The following DPPA4 variants were observed in gnomAD, a reference collection of about 807,000 sequenced individuals.
DPPA4 encodes the protein developmental pluripotency-associated protein 4.
DPPA4 carries 22 observed loss-of-function variants against 33.7 expected under a neutral mutation model. The observed-to-expected ratio is 0.65, with a 90% CI of 0.47 to 0.93. The LOEUF (loss-of-function observed/expected upper bound fraction) is 0.93. Among genes scored for constraint, DPPA4 ranks in the 40% least tolerant of loss-of-function variants. DPPA4 has a pLI of 0.00. For synonymous variants in DPPA4, 156 were observed against 132.3 expected (o/e 1.18, Z -1.23); for missense variants, 340 against 358.6 (o/e 0.95, Z 0.42).
chr3:109,337,611 C>T (rs973569167), upstream of DPPA4: 1 of 1,032,706 alleles, frequency 9.7e-7, no homozygotes, highest in Non-Finnish European at 1.5e-6. Context: ...CACCTCACCT[C>T]TTCTTTTCTT....
chr3:109,330,333 GAAAAA>G, intron 5 of DPPA4, 186 bp downstream of exon 5: 1 of 394,860 alleles, frequency 2.5e-6, no homozygotes, highest in East Asian at 4.1e-5. Flanking sequence ...AAAAAAAAAG[GAAAAA>G]AAAAAAAGAA....
upstream of DPPA4, among the ~76,000 whole-genome samples, chr3:109,338,692 G>A (rs932570398): frequency 2.0e-5 from 3 of 152,314 alleles, no homozygotes; most frequent in South Asian, 2.1e-4. Context: ...GGAAGTGCAG[G>A]TTGTGGACTG....
intron 6 of DPPA4, 117 bp downstream of exon 6, chr3:109,328,771 CTT>C: frequency 1.1e-6 from 1 of 948,106 alleles, no homozygotes; most frequent in East Asian, 2.6e-5. Flanking sequence ...TCTTGAAACT[CTT>C]TACTGACAAT....
upstream of DPPA4, among the ~76,000 whole-genome samples, chr3:109,338,961 G>C (rs1708262052): frequency 6.6e-6 from 1 of 152,080 alleles, no homozygotes; most frequent in South Asian, 2.1e-4. Flanking sequence ...GGGGGCTGAG[G>C]TGGGCAGGTC....
intron 1 of DPPA4, chr3:109,336,518 G>C (rs1708216579): frequency 6.6e-6 from 1 of 152,136 alleles, no homozygotes. Context: ...CTGGGAAAAG[G>C]GGACGAATTC....
rs1463413054 is a variant in DPPA4, at chr3:109,326,786, T to TA, written c.*1201dup. ...TATGTGAATCATACCTAAGTAGTTT[T>TA]AAAAACAAATGATCCAACCCATACC... On this transcript the variant is annotated 3_prime_UTR_variant, in exon 7 of 7. Transcript: ENST00000335658. 2 of 152,154 alleles carry TA rather than the reference T, an allele frequency of 1.3e-5. No homozygotes were observed. The highest frequency in any genetic ancestry group is 4.8e-5 in the African/African-American group (2 of 41,430). 9.4% of individuals were successfully genotyped at this position (152,154 alleles called of 1,614,324 possible). A position where few individuals can be genotyped will look rare whatever the true frequency, so the allele number is the denominator to read the frequency against.
chr3:109,330,704 C>T lies in DPPA4; in HGVS notation c.499G>A (p.Glu167Lys), dbSNP rs777627521. 37 of 1,614,078 alleles carry T rather than the reference C, an allele frequency of 2.3e-5. No individual in the cohort carries two copies. Among genetic ancestry groups the T allele is most frequent in the Non-Finnish European group, 3.1e-5 (37 of 1,180,026 alleles). Residue 167 changes from glutamate to lysine, a missense_variant, in exon 5 of 7, where the codon GAA (glutamate) becomes AAA (lysine). Glu to Lys is a moderately conservative substitution (Grantham distance 56, BLOSUM62 1). This residue lies in a region of DPPA4 where 212 missense variants were observed against 206.5 expected (regional missense o/e 1.03). Coordinates refer to ENST00000335658, the MANE Select transcript of DPPA4 (RefSeq NM_018189.4). ...SLQSSETHPPEVALPPVGEPP... is the reference protein window; with the variant it reads ...SLQSSETHPPKVALPPVGEPP... Reference sequence around the variant, plus strand: ...TCCCCCACAGGAGGAAGAGCCACTTCAGGAGGATGTGTCTCAGAACTTTGC... The same window carrying T: ...TCCCCCACAGGAGGAAGAGCCACTTTAGGAGGATGTGTCTCAGAACTTTGC...
chr3:109,328,111 A>T, intron 6 of DPPA4, 87 bp from the exon 7 acceptor site: 1 of 857,434 alleles, frequency 1.2e-6, no homozygotes, highest in Non-Finnish European at 1.9e-6. Context: ...ATGCTGTTGA[A>T]ATTGCCCTTA....
chr3:109,331,278 AAAAAAAGAAAG>A (rs1708067295), intron 4 of DPPA4, among the ~76,000 whole-genome samples: 1 of 148,080 alleles, frequency 6.8e-6, no homozygotes, highest in African/African-American at 2.5e-5. Context: ...AAAAAAAAAA[AAAAAAAGAAAG>A]AAAAGAAAAG....
At chr3:109,337,666 G>A, upstream of DPPA4, 1 of 686,348 alleles carries the variant, frequency 1.5e-6, no homozygotes. Context: ...TGCTAAAATT[G>A]CATTCTTTCT....
In DPPA4 at chr3:109,329,192, G is replaced by A. The variant is rs1040280053; in HGVS notation, c.680-104C>T. The A allele has an allele frequency of 1.9e-4, 185 of 986,296 alleles. 2 individuals are homozygous for A. The highest frequency in any genetic ancestry group is 4.1e-5 in the Non-Finnish European group (27 of 653,182). 61.1% of individuals were successfully genotyped at this position (986,296 alleles called of 1,614,324 possible). On this transcript the variant is annotated intron_variant, in intron 5 of 6. Coordinates refer to ENST00000335658, the MANE Select transcript of DPPA4 (RefSeq NM_018189.4). ...ACCCTTGATTGACCAGCTCCAAGAT[G>A]TGAACCCTGAAATCCTAACTTAACC...
At chr3:109,335,779 ATTAC>A (rs1423999659) in intron 1 of DPPA4, among the ~76,000 whole-genome samples, 1 of 152,166 alleles carries the variant, frequency 6.6e-6, no homozygotes, top group East Asian at 1.9e-4. Flanking sequence ...TCTGGCAACA[ATTAC>A]TTCTCAGACA....
intron 2 of DPPA4, 55 bp from the exon 3 acceptor site, chr3:109,332,086 A>G: frequency 2.8e-6 from 4 of 1,447,440 alleles, no homozygotes; most frequent in Non-Finnish European, 3.7e-6. Context: ...GCTTTTCTGA[A>G]TTTCAAAAGT....
chr3:109,334,000 A>T lies in DPPA4; in HGVS notation c.55-7T>A. 6.2e-7 allele frequency: 1 copy of T among 1,613,748 alleles called. No individual in the cohort carries two copies. Among genetic ancestry groups the T allele is most frequent in the South Asian group, 1.1e-5 (1 of 90,992 alleles). On this transcript the variant is annotated splice_polypyrimidine_tract_variant and splice_region_variant and intron_variant, in intron 1 of 6. Coordinates refer to ENST00000335658, the MANE Select transcript of DPPA4 (RefSeq NM_018189.4). ...ACTTCTCTGTGGAGGTCCACTGGGG[A>T]ACAGAGGAGCTGGTCAGTCATTCCT...
At chr3:109,329,345 C>A (rs958920206) in intron 5 of DPPA4, 21 of 372,130 alleles carry the variant, frequency 5.6e-5, no homozygotes, top group Non-Finnish European at 9.3e-5. Flanking sequence ...ACCATCCTGG[C>A]TAACACAGTG....
intron 3 of DPPA4, 39 bp from the exon 4 acceptor site, chr3:109,331,823 G>A: frequency 6.2e-7 from 1 of 1,613,500 alleles, no homozygotes; most frequent in South Asian, 1.1e-5. Flanking sequence ...GGCAAATAAG[G>A]TTCCTACCCT....
chr3:109,337,944 A>G (rs2107356197), upstream of DPPA4, among the ~76,000 whole-genome samples: 1 of 152,322 alleles, frequency 6.6e-6, no homozygotes, highest in Non-Finnish European at 1.5e-5. Flanking sequence ...GCTTGAAGAA[A>G]GCTATTTTCT....
In DPPA4 at chr3:109,337,493, T is replaced by A; in HGVS notation, c.25A>T (p.Thr9Ser). The A allele has an allele frequency of 1.9e-6, 3 of 1,614,134 alleles. No individual in the cohort carries two copies. The highest frequency in any genetic ancestry group is 4.5e-5 in the East Asian group (2 of 44,874). Residue 9 changes from threonine (T) to serine (S), a missense_variant, in exon 1 of 7, where the codon ACA (threonine) becomes TCA (serine). By Grantham distance (58) the Thr-to-Ser change is moderately conservative. Around this residue, in one of 3 missense-constraint regions of DPPA4, gnomAD observed 96 missense variants for 91.8 expected, o/e 1.05. Coordinates refer to ENST00000335658, the MANE Select transcript of DPPA4 (RefSeq NM_018189.4). MLRGSASS[T>S]SMEKAKGKEW... ...TTGCCTTTTGCCTTCTCCATACTTG[T>A]AGAAGAAGCGGAGCCTCGCAACATG...
chr3:109,327,792 G>GT lies in DPPA4; in HGVS notation c.*195dup. On this transcript the variant is annotated 3_prime_UTR_variant, in exon 7 of 7. Coordinates refer to ENST00000335658, the MANE Select transcript of DPPA4 (RefSeq NM_018189.4). ...GTGAAATGTTTTTCCATTTTTAAAT[G>GT]TAAGAGTCTCTATCTCCACTCACAA... 1.2e-5 allele frequency: 6 copies of GT among 482,906 alleles called. No homozygotes were observed. The highest frequency in any genetic ancestry group is 2.2e-5 in the Non-Finnish European group (6 of 270,438). 29.9% of individuals were successfully genotyped at this position (482,906 alleles called of 1,614,324 possible).
Sources: allele counts gnomAD v4.1 joint callset (sites outside exome capture counted in the v4.1 genomes callset), GRCh38; gene constraint gnomAD v4.1.1; regional missense constraint gnomAD v4.1.1; transcripts MANE v1.5; gene names NCBI Gene and HGNC (gene_info 2026-07-23, HGNC 2026-07-21).